The following TNC variants were observed in gnomAD, a reference collection of about 807,000 sequenced individuals.
The protein encoded by TNC is tenascin C, also known as tenascin.
TNC carries 109 observed loss-of-function variants against 202.4 expected under a neutral mutation model. That is an observed-to-expected ratio of 0.54 (90% CI 0.46 to 0.63). The LOEUF (loss-of-function observed/expected upper bound fraction) is 0.63, where lower values mean the gene tolerates loss of function less well. TNC is among the 30% of genes least tolerant of loss of function. The pLI is 0.00. For missense variants in TNC, 2,756 were observed against 2,833.3 expected, an observed-to-expected ratio of 0.97 and a Z score of 0.62; for synonymous variants, 1,007 against 1,089.7, an observed-to-expected ratio of 0.92 and a Z score of 1.50.
intron 1 of TNC, among the ~76,000 whole-genome samples, chr9:115,115,912 A>G (rs950713679): frequency 6.6e-6 from 1 of 152,222 alleles, no homozygotes; most frequent in African/African-American, 2.4e-5. Flanking sequence ...CATGTAATGA[A>G]TATTTTCATC....
Position 115,087,057 on chromosome 9 carries a change from C to T in TNC, c.674G>A (p.Cys225Tyr). The T allele has an allele frequency of 1.2e-6, 2 of 1,613,548 alleles. No individual in the cohort carries two copies. Among genetic ancestry groups the T allele is most frequent in the Non-Finnish European group, 1.7e-6 (2 of 1,179,532 alleles). ...ATTTACGCACTTGCCCTGGTCATTG[C>T]AGTCGCTGGGGCAAGCCAGCTGGCT... is the stretch of plus-strand genomic sequence containing the variant. Reference protein sequence around the residue: ...DCSQLACPSDCNDQGKCVNGV... With the variant: ...DCSQLACPSDYNDQGKCVNGV... Residue 225 changes from cysteine to tyrosine, a missense_variant, in exon 3 of 28, where the codon TGC becomes TAC. Coordinates refer to ENST00000350763, the MANE Select transcript of TNC (RefSeq NM_002160.4).
In TNC at chr9:115,059,912, T is replaced by C; in HGVS notation, c.4124A>G (p.Glu1375Gly). 1.2e-6 allele frequency: 2 copies of C among 1,614,102 alleles called. No individual in the cohort carries two copies. The highest frequency in any genetic ancestry group is 1.1e-5 in the South Asian group (1 of 91,074). The change falls in exon 14 of 28, where the codon GAG becomes GGG. Residue 1375 changes from glutamate to glycine, a missense_variant. Glu to Gly is a moderately conservative substitution (Grantham distance 98). This residue lies in a region of TNC where 2,559 missense variants were observed against 2,546.0 expected (regional missense o/e 1.01). Transcript: ENST00000350763. ...LNWTAADNAY[E>G]HFVIQVQEVN... is the part of the protein sequence containing the mutation. ...CTCCTGCACCTGAATGACAAAGTGC[T>C]CATAGGCATTGTCAGCTGCGGTCCA...
chr9:115,066,663 C>G (rs1163885515), intron 10 of TNC, among the ~76,000 whole-genome samples: 1 of 152,166 alleles, frequency 6.6e-6, no homozygotes, highest in Non-Finnish European at 1.5e-5. Context: ...TGGCCAGCTG[C>G]TTATTTTGGT....
intron 1 of TNC, among the ~76,000 whole-genome samples, chr9:115,104,735 T>C (rs1304670961): frequency 1.3e-5 from 2 of 152,170 alleles, no homozygotes; most frequent in African/African-American, 4.8e-5. Flanking sequence ...CTCCATGACA[T>C]TGGGCATATT....
intron 15 of TNC, among the ~76,000 whole-genome samples, chr9:115,056,648 TC>T (rs775040232): frequency 4.7e-4 from 72 of 152,336 alleles, no homozygotes; most frequent in Admixed American, 1.4e-3. Flanking sequence ...TGATAAGTAA[TC>T]TTTGCTGTTT....
At chr9:115,043,719 A>G (rs1830948833) in intron 17 of TNC, among the ~76,000 whole-genome samples, 1 of 147,450 alleles carries the variant, frequency 6.8e-6, no homozygotes, top group African/African-American at 2.6e-5. Flanking sequence ...AAAGATCGAG[A>G]TGAGTCTAAC....
chr9:115,035,125 A>T, intron 22 of TNC, 79 bp downstream of exon 22: 2 of 1,465,902 alleles, frequency 1.4e-6, no homozygotes, highest in Non-Finnish European at 9.1e-7. Context: ...GAAAAACAGC[A>T]TCAGGTAATT....
At position 115,087,384 on chromosome 9, in the gene TNC, G is replaced by T. The variant is rs1588168106; in HGVS notation, c.458-111C>A. 14 of 1,041,364 alleles carry T rather than the reference G, an allele frequency of 1.3e-5. No individual in the cohort carries two copies. The East Asian group carries it at 2.9e-4, about 21-fold the overall frequency. 64.5% of individuals were successfully genotyped at this position (1,041,364 alleles called of 1,614,324 possible). A position where few individuals can be genotyped will look rare whatever the true frequency, so the allele number is the denominator to read the frequency against. Reference sequence around the variant, plus strand: ...AGCTGAAGGACGGTTGCACCCTCAGGCTCCATCTGGCTTGAGAACCATTTG... The same window carrying T: ...AGCTGAAGGACGGTTGCACCCTCAGTCTCCATCTGGCTTGAGAACCATTTG... On this transcript the variant is annotated intron_variant, in intron 2 of 27. Transcript: ENST00000350763.
intron 15 of TNC, among the ~76,000 whole-genome samples, chr9:115,051,322 A>G (rs1831634927): frequency 6.6e-6 from 1 of 152,060 alleles, no homozygotes; most frequent in African/African-American, 2.4e-5. Flanking sequence ...GATCACATCT[A>G]AAAAAACCAG....
At chr9:115,029,035 G>GA (rs71375266) in intron 25 of TNC, among the ~76,000 whole-genome samples, 15,904 of 71,164 alleles carry the variant, frequency 0.22, 2,569 homozygotes, top group East Asian at 0.31. Context: ...ATTATCTCTG[G>GA]AAAAAAAAAA....
chr9:115,087,304 A>G (rs768999396), intron 2 of TNC, 31 bp from the exon 3 acceptor site: 1 of 1,598,962 alleles, frequency 6.3e-7, no homozygotes, highest in South Asian at 1.1e-5. Context: ...GTTCTCAGCC[A>G]GGCTTAAGCA....
chr9:115,053,945 T>C (rs1248880006), intron 15 of TNC, among the ~76,000 whole-genome samples: 2 of 152,206 alleles, frequency 1.3e-5, no homozygotes, highest in Non-Finnish European at 2.9e-5. Flanking sequence ...TCTGTTAAAG[T>C]CTAGACATTC....
In TNC at chr9:115,064,753, C is replaced by T. The variant is rs759268005; in HGVS notation, c.3381G>A (p.Arg1127=). The change falls in exon 11 of 28, where the codon CGG becomes CGA. Residue 1127 remains arginine, a synonymous_variant. Coordinates refer to ENST00000350763, the MANE Select transcript of TNC (RefSeq NM_002160.4). ...CCTTGAGGCCCGGTATGTCCACAGC[C>T]CGAAGGCTGCCAGGCACGGTGAGGT... ...ARNLTVPGSL[R]AVDIPGLKAA... 1.4e-5 allele frequency: 22 copies of T among 1,614,148 alleles called. 1 individual carries two copies. The South Asian group carries it at 2.4e-4, about 18-fold the overall frequency.
chr9:115,104,420 G>C (rs148534045), intron 1 of TNC, among the ~76,000 whole-genome samples: 1 of 152,290 alleles, frequency 6.6e-6, no homozygotes, highest in Non-Finnish European at 1.5e-5. Flanking sequence ...CCCAAAGTCA[G>C]AAATTTAGTC....
chr9:115,025,090 G>A (rs2131519956), intron 26 of TNC, among the ~76,000 whole-genome samples: 1 of 152,284 alleles, frequency 6.6e-6, no homozygotes, highest in East Asian at 1.9e-4. Context: ...AGAAAATGCA[G>A]CCTTACAAAC....
At chr9:115,099,228 G>A (rs1252968308) in intron 1 of TNC, among the ~76,000 whole-genome samples, 1 of 152,134 alleles carries the variant, frequency 6.6e-6, no homozygotes, top group Non-Finnish European at 1.5e-5. Context: ...TGTTGAACAA[G>A]TGTAAGAACG....
At chr9:115,062,370 G>T (rs1832609019) in intron 13 of TNC, among the ~76,000 whole-genome samples, 1 of 152,130 alleles carries the variant, frequency 6.6e-6, no homozygotes, top group South Asian at 2.1e-4. Context: ...ACTTTGGGAG[G>T]CCAAGGTGAG....
intron 23 of TNC, 31 bp downstream of exon 23, chr9:115,031,522 C>G: frequency 6.7e-7 from 1 of 1,498,468 alleles, no homozygotes; most frequent in Non-Finnish European, 8.9e-7. Context: ...AGTTAGATCT[C>G]AAGGCTGGAT....
Position 115,073,654 on chromosome 9 carries a change from C to T in TNC, c.3163G>A (p.Ala1055Thr), listed in dbSNP as rs148575332. Residue 1055 changes from alanine to threonine, a missense_variant, in exon 10 of 28, where the codon GCC becomes ACC. This residue lies in a region of TNC where 2,559 missense variants were observed against 2,546.0 expected (regional missense o/e 1.01). Coordinates refer to ENST00000350763, the MANE Select transcript of TNC (RefSeq NM_002160.4). ...PGQEYNVLLT[A>T]EKGRHKSKPA... ...TTGCTCTTGTGTCTGCCTTTCTCGGCTGTCAGGAGGACATTGTACTCCTGT... is the reference window on the plus strand; with the variant it reads ...TTGCTCTTGTGTCTGCCTTTCTCGGTTGTCAGGAGGACATTGTACTCCTGT... 7.2e-5 allele frequency: 117 copies of T among 1,614,048 alleles called. No homozygotes were observed. The highest frequency in any genetic ancestry group is 4.9e-4 in the Middle Eastern group (3 of 6,084).
Sources: gnomAD v4.1 joint callset for allele counts (sites outside exome capture counted in the v4.1 genomes callset) on GRCh38, gnomAD v4.1.1 for gene constraint, gnomAD v4.1.1 regional missense constraint, MANE v1.5 for transcripts, NCBI Gene and HGNC (gene_info 2026-07-23, HGNC 2026-07-21) for gene names.